The following EDIL3 variants were observed in gnomAD, a reference collection of about 807,000 sequenced individuals.
The protein encoded by EDIL3 is EGF like and discoidin domains 3.
EDIL3 carries 37 observed loss-of-function variants against 67.4 expected under a neutral mutation model. The observed-to-expected ratio is 0.55, with a 90% CI of 0.42 to 0.72. The LOEUF (loss-of-function observed/expected upper bound fraction) is 0.72. Ranked by LOEUF, EDIL3 falls within the 30% of genes least tolerant of loss-of-function variation. The pLI is 0.00. For missense variants in EDIL3, 527 were observed against 586.3 expected, an observed-to-expected ratio of 0.90 and a Z score of 1.04; for synonymous variants, 195 against 196.3, an observed-to-expected ratio of 0.99 and a Z score of 0.05.
intron 9 of EDIL3, among the ~76,000 whole-genome samples, chr5:84,042,463 G>T (rs1339876960): frequency 3.3e-5 from 5 of 151,976 alleles, no homozygotes; most frequent in Non-Finnish European, 7.4e-5. Flanking sequence ...TGTATTTTTA[G>T]TAGACATGGG....
At chr5:84,183,230 T>A (rs761914997) in intron 3 of EDIL3, among the ~76,000 whole-genome samples, 1 of 152,158 alleles carries the variant, frequency 6.6e-6, no homozygotes, top group Non-Finnish European at 1.5e-5. Flanking sequence ...AAAGATTATA[T>A]AATATTTCTC....
chr5:84,315,283 T>C (rs1746487523), intron 1 of EDIL3, among the ~76,000 whole-genome samples: 1 of 152,222 alleles, frequency 6.6e-6, no homozygotes, highest in African/African-American at 2.4e-5. Context: ...AGTTTTATAA[T>C]CATATCAGTT....
At chr5:84,269,412 A>G (rs1159477120) in intron 1 of EDIL3, among the ~76,000 whole-genome samples, 2 of 76,436 alleles carry the variant, frequency 2.6e-5, no homozygotes, top group Non-Finnish European at 4.9e-5. Context: ...ACATAGACAT[A>G]TCATTCAAAA....
intron 9 of EDIL3, among the ~76,000 whole-genome samples, chr5:84,005,442 T>C (rs1004762722): frequency 6.6e-5 from 10 of 151,982 alleles, no homozygotes; most frequent in Non-Finnish European, 1.0e-4. Context: ...TACTAGCAAA[T>C]TGACTCTAGC....
intron 2 of EDIL3, among the ~76,000 whole-genome samples, chr5:84,235,530 C>A (rs899011944): frequency 6.6e-6 from 1 of 152,026 alleles, no homozygotes; most frequent in African/African-American, 2.4e-5. Flanking sequence ...TTTTATTAGT[C>A]TCTCCCATTA....
chr5:84,227,473 T>C (rs375987625), intron 3 of EDIL3, among the ~76,000 whole-genome samples: 2 of 152,124 alleles, frequency 1.3e-5, no homozygotes, highest in South Asian at 4.1e-4. Context: ...TTACTCACTG[T>C]TGGTGGGAAT....
chr5:84,078,865 C>T (rs1746912775), intron 6 of EDIL3: 1 of 152,164 alleles, frequency 6.6e-6, no homozygotes, highest in South Asian at 2.1e-4. Flanking sequence ...ATAGAAACCT[C>T]TTTTGTTCTA....
chr5:84,348,313 C>G (rs1747275479), intron 1 of EDIL3, among the ~76,000 whole-genome samples: 1 of 152,156 alleles, frequency 6.6e-6, no homozygotes, highest in East Asian at 1.9e-4. Context: ...CAGGAAAAGC[C>G]TTTAAGTATA....
chr5:84,170,117 CTT>C (rs1748788001), intron 4 of EDIL3, among the ~76,000 whole-genome samples: 1 of 152,154 alleles, frequency 6.6e-6, no homozygotes, highest in African/African-American at 2.4e-5. Context: ...AATTTATTCT[CTT>C]GTTTATAGCT....
intron 10 of EDIL3, among the ~76,000 whole-genome samples, chr5:83,946,860 T>C (rs1744319940): frequency 6.6e-6 from 1 of 151,930 alleles, no homozygotes; most frequent in African/African-American, 2.4e-5. Context: ...GAAAATTATC[T>C]AGTTTGTAAA....
intron 9 of EDIL3, among the ~76,000 whole-genome samples, chr5:83,998,002 A>C (rs1369864359): frequency 7.2e-5 from 11 of 152,168 alleles, no homozygotes; most frequent in Non-Finnish European, 1.3e-4. Context: ...TGTTAGACCC[A>C]ACACTGCAAG....
chr5:84,358,576 A>G (rs1223859815), intron 1 of EDIL3, among the ~76,000 whole-genome samples: 1 of 145,952 alleles, frequency 6.9e-6, no homozygotes, highest in African/African-American at 2.5e-5. Flanking sequence ...AGCATAAGAC[A>G]GTATTCATTT....
rs142323903 is a variant in EDIL3 at position 84,128,349 on chromosome 5, G to A, written c.469+8892C>T. Among the ~76,000 whole-genome samples, 241 of 152,126 alleles carry A rather than the reference G, an allele frequency of 1.6e-3. 1 individual carries two copies. The highest frequency in any genetic ancestry group is 5.3e-3 in the African/African-American group (219 of 41,528). ...CTTTTATCAGCAGTGTGATAAAAGCGGAAATCCCGGTGGTTTGTGCTATAA... is the reference window on the plus strand; with the variant it reads ...CTTTTATCAGCAGTGTGATAAAAGCAGAAATCCCGGTGGTTTGTGCTATAA... On this transcript the variant is annotated intron_variant, in intron 5 of 10. Coordinates refer to ENST00000296591, the MANE Select transcript of EDIL3 (RefSeq NM_005711.5).
At chr5:84,005,068 C>A (rs1336772036) in intron 9 of EDIL3, among the ~76,000 whole-genome samples, 1 of 152,072 alleles carries the variant, frequency 6.6e-6, no homozygotes, top group Non-Finnish European at 1.5e-5. Flanking sequence ...CACTTCTATA[C>A]ACACAAACTA....
At chr5:84,029,947 CTTTG>C (rs1311368108) in intron 9 of EDIL3, among the ~76,000 whole-genome samples, 38 of 152,226 alleles carry the variant, frequency 2.5e-4, no homozygotes, top group African/African-American at 8.4e-4. Context: ...CTCAGAAAAA[CTTTG>C]TTTAAGGAAG....
intron 9 of EDIL3, among the ~76,000 whole-genome samples, chr5:84,050,428 A>G (rs1746313406): frequency 6.6e-6 from 1 of 152,182 alleles, no homozygotes; most frequent in South Asian, 2.1e-4. Flanking sequence ...CAACTGAGGT[A>G]CCAGGTTCAT....
At chr5:84,031,468 C>G (rs1200919864) in intron 9 of EDIL3, among the ~76,000 whole-genome samples, 3 of 152,132 alleles carry the variant, frequency 2.0e-5, no homozygotes, top group Non-Finnish European at 4.4e-5. Flanking sequence ...TAAATCTACC[C>G]ATGCAACACT....
chr5:84,152,947 A>G (rs1048564286), intron 4 of EDIL3, among the ~76,000 whole-genome samples: 3 of 152,228 alleles, frequency 2.0e-5, no homozygotes, highest in East Asian at 1.9e-4. Flanking sequence ...AGATACTAAT[A>G]TACTATACTA....
chr5:84,014,503 G>C (rs541007187), intron 9 of EDIL3, among the ~76,000 whole-genome samples: 1 of 152,236 alleles, frequency 6.6e-6, no homozygotes, highest in South Asian at 2.1e-4. Context: ...AAATTAGCCA[G>C]GCATGATGAC....
Sources: allele counts gnomAD v4.1 joint callset (sites outside exome capture counted in the v4.1 genomes callset), GRCh38; gene constraint gnomAD v4.1.1; transcripts MANE v1.5; gene names NCBI Gene and HGNC (gene_info 2026-07-23, HGNC 2026-07-21).